The following TSPAN5 variants were observed in gnomAD, a reference collection of about 807,000 sequenced individuals.
The protein encoded by TSPAN5 is tetraspanin-5.
In TSPAN5, 10 loss-of-function variants were observed where a neutral mutation model predicts 37.1. The ratio of observed to expected loss-of-function variants is 0.27; its 90% CI spans 0.17 to 0.46. The LOEUF is 0.46. Ranked by LOEUF, TSPAN5 falls within the 20% of genes least tolerant of loss-of-function variation. The pLI is 1.00. For synonymous variants in TSPAN5, 110 were observed against 118.9 expected, an observed-to-expected ratio of 0.93 and a Z score of 0.48; for missense variants, 195 against 326.6, an observed-to-expected ratio of 0.60 and a Z score of 3.11.
chr4:98,619,223 G>C (rs1756423302), intron 1 of TSPAN5, among the ~76,000 whole-genome samples: 1 of 152,086 alleles, frequency 6.6e-6, no homozygotes, highest in Admixed American at 6.5e-5. Flanking sequence ...ATTCATTCAG[G>C]AGACATTTGG....
intron 1 of TSPAN5, among the ~76,000 whole-genome samples, chr4:98,544,052 C>T (rs1049758202): frequency 1.3e-5 from 2 of 151,930 alleles, no homozygotes; most frequent in African/African-American, 4.8e-5. Context: ...TGGTAGTGCA[C>T]GCCTGTAGTC....
intron 1 of TSPAN5, among the ~76,000 whole-genome samples, chr4:98,601,090 G>A (rs556724521): frequency 6.6e-6 from 1 of 152,258 alleles, no homozygotes; most frequent in Non-Finnish European, 1.5e-5. Flanking sequence ...TCTCAACAGT[G>A]GCCTTAAAAT....
chr4:98,480,934 A>G (rs1034742793), intron 4 of TSPAN5, among the ~76,000 whole-genome samples: 1 of 152,134 alleles, frequency 6.6e-6, no homozygotes, highest in Non-Finnish European at 1.5e-5. Flanking sequence ...AAGGAAGGGG[A>G]TGGCCTCCCT....
intron 1 of TSPAN5, among the ~76,000 whole-genome samples, chr4:98,632,419 A>G (rs559587460): frequency 6.6e-6 from 1 of 152,122 alleles, no homozygotes; most frequent in Non-Finnish European, 1.5e-5. Flanking sequence ...GAATGACTAC[A>G]TATCACTGGG....
rs199975062 is a variant in TSPAN5, at chr4:98,551,417, CG to C, written c.82-43690del. On this transcript the variant is annotated intron_variant, in intron 1 of 7. Transcript: ENST00000305798. ...TAGAATGAGGTGGGGAGAATCCTCT[CG>C]TTTTTTTTTTTTGGAATAGTTTCAG... Among the ~76,000 whole-genome samples, 193 of 73,892 alleles carry C rather than the reference CG, an allele frequency of 2.6e-3. 2 individuals are homozygous for C. Among genetic ancestry groups the C allele is most frequent in the African/African-American group, 0.01 (170 of 16,248 alleles). The allele number at this position is 73,892 out of a possible 152,430, so 48.5% of individuals were successfully genotyped here. A position where few individuals can be genotyped will look rare whatever the true frequency, so the allele number is the denominator to read the frequency against.
chr4:98,521,142 G>A (rs1000258357), intron 1 of TSPAN5, among the ~76,000 whole-genome samples: 5 of 152,214 alleles, frequency 3.3e-5, no homozygotes, highest in South Asian at 2.1e-4. Context: ...ATGTTGGTCA[G>A]GCGGGTCTTG....
intron 1 of TSPAN5, among the ~76,000 whole-genome samples, chr4:98,516,675 G>C (rs1010477197): frequency 1.3e-5 from 2 of 152,176 alleles, no homozygotes; most frequent in Non-Finnish European, 2.9e-5. Context: ...CTTAGTGGGA[G>C]GTGTTTGGGT....
intron 1 of TSPAN5, among the ~76,000 whole-genome samples, chr4:98,621,838 T>A (rs1579037190): frequency 3.1e-5 from 1 of 32,672 alleles, no homozygotes; most frequent in Admixed American, 3.1e-4. Flanking sequence ...GTCTCTATGA[T>A]TTTTGCCTAT....
intron 1 of TSPAN5, among the ~76,000 whole-genome samples, chr4:98,510,547 C>T (rs1054802767): frequency 3.3e-5 from 5 of 152,136 alleles, no homozygotes; most frequent in East Asian, 3.8e-4. Flanking sequence ...ATAAAGTTTT[C>T]GTCTCTCCTC....
intron 5 of TSPAN5, among the ~76,000 whole-genome samples, chr4:98,478,146 C>T (rs1470001169): frequency 6.6e-6 from 1 of 152,150 alleles, no homozygotes; most frequent in Non-Finnish European, 1.5e-5. Flanking sequence ...GGTCTTCCTA[C>T]ACAGCAGTCC....
chr4:98,533,536 C>T lies in TSPAN5; in HGVS notation c.82-25808G>A, dbSNP rs543820567. ...TTCTGCGGGATTGGTGGTGATATCCCCTATATCTTTTTTTTTTTTTTTTTT... is the reference window on the plus strand; with the variant it reads ...TTCTGCGGGATTGGTGGTGATATCCTCTATATCTTTTTTTTTTTTTTTTTT... On this transcript the variant is annotated intron_variant, in intron 1 of 7. Transcript: ENST00000305798. Among the ~76,000 whole-genome samples, 52 of 65,596 alleles carry T rather than the reference C, an allele frequency of 7.9e-4. No homozygotes were observed. In the South Asian group the frequency reaches 0.015, roughly 19 times the overall value. The allele number at this position is 65,596 out of a possible 152,430, so 43.0% of individuals were successfully genotyped here.
chr4:98,577,313 A>C (rs62323628), intron 1 of TSPAN5, among the ~76,000 whole-genome samples: 1 of 152,160 alleles, frequency 6.6e-6, no homozygotes, highest in Non-Finnish European at 1.5e-5. Flanking sequence ...AGTTACTGAC[A>C]TACTGATTTA....
chr4:98,512,324 T>C (rs1330217059), intron 1 of TSPAN5, among the ~76,000 whole-genome samples: 2 of 152,236 alleles, frequency 1.3e-5, no homozygotes, highest in South Asian at 4.1e-4. Flanking sequence ...AAAACTATTA[T>C]ACTTTCCTAA....
At position 98,486,422 on chromosome 4, in the gene TSPAN5, C is replaced by A. The variant is rs188678802; in HGVS notation, c.279+316G>T. 695 of 228,454 alleles carry A rather than the reference C, an allele frequency of 3.0e-3. 3 individuals are homozygous for A. Among genetic ancestry groups the A allele is most frequent in the Non-Finnish European group, 4.8e-3 (572 of 119,534 alleles). 14.2% of individuals were successfully genotyped at this position (228,454 alleles called of 1,614,324 possible). Reference sequence around the variant, plus strand: ...GTGCATTAAAACGGTGGGAAGGAATCACTTAGAAGAAAATATATATATATA... The same window carrying A: ...GTGCATTAAAACGGTGGGAAGGAATAACTTAGAAGAAAATATATATATATA... On this transcript the variant is annotated intron_variant, in intron 3 of 7. Transcript: ENST00000305798.
At chr4:98,551,658 ATTT>A (rs36041602) in intron 1 of TSPAN5, among the ~76,000 whole-genome samples, 1 of 140,158 alleles carries the variant, frequency 7.1e-6, no homozygotes. Flanking sequence ...CGCCCAGCTA[ATTT>A]TTTTTTTTTT....
intron 1 of TSPAN5, among the ~76,000 whole-genome samples, chr4:98,654,326 T>C (rs1374737782): frequency 6.6e-6 from 1 of 152,224 alleles, no homozygotes; most frequent in African/African-American, 2.4e-5. Context: ...TCAATTTACT[T>C]GCCTGGGAAC....
At position 98,658,435 on chromosome 4, in the gene TSPAN5, G is replaced by C; in HGVS notation, c.-209C>G. On this transcript the variant is annotated 5_prime_UTR_variant, in exon 1 of 8. Transcript: ENST00000305798. ...CTCGCGCGCCGAGGCCGCCGGAGCCGGGGTGGCCGCGAGAAAGCAGGGAAG... is the reference window on the plus strand; with the variant it reads ...CTCGCGCGCCGAGGCCGCCGGAGCCCGGGTGGCCGCGAGAAAGCAGGGAAG... 1 of 316,862 alleles carries C rather than the reference G, an allele frequency of 3.2e-6. No homozygotes were observed. Among genetic ancestry groups the C allele is most frequent in the Non-Finnish European group, 5.7e-6 (1 of 175,916 alleles). The allele number at this position is 316,862 out of a possible 1,614,324, so 19.6% of individuals were successfully genotyped here. A position where few individuals can be genotyped will look rare whatever the true frequency, so the allele number is the denominator to read the frequency against.
At chr4:98,506,063 G>A (rs1351838935) in intron 2 of TSPAN5, among the ~76,000 whole-genome samples, 1 of 152,180 alleles carries the variant, frequency 6.6e-6, no homozygotes, top group Non-Finnish European at 1.5e-5. Flanking sequence ...ATTTCATAAA[G>A]AGAAAATTAA....
intron 1 of TSPAN5, among the ~76,000 whole-genome samples, chr4:98,603,066 C>CT (rs1269859006): frequency 6.6e-6 from 1 of 152,196 alleles, no homozygotes; most frequent in African/African-American, 2.4e-5. Flanking sequence ...GTTATGCCTG[C>CT]TTTTCACAGC....
Sources: gnomAD v4.1 joint callset for allele counts (sites outside exome capture counted in the v4.1 genomes callset) on GRCh38, gnomAD v4.1.1 for gene constraint, MANE v1.5 for transcripts, NCBI Gene and HGNC (gene_info 2026-07-23, HGNC 2026-07-21) for gene names.